Variants in MCF2L2 observed in about 807,000 individuals in gnomAD.
The protein encoded by MCF2L2 is MCF.2 cell line derived transforming sequence-like 2, also known as probable guanine nucleotide exchange factor MCF2L2.
A neutral mutation model predicts 150.2 loss-of-function variants in MCF2L2; 102 were observed. That is an observed-to-expected ratio of 0.68 (90% confidence interval 0.58 to 0.80). The LOEUF is 0.80. Ranked by LOEUF, MCF2L2 falls within the 30% of genes least tolerant of loss-of-function variation. The pLI is 0.00. For synonymous variants in MCF2L2, 465 were observed against 491.3 expected (o/e 0.95, Z 0.71); for missense variants, 1,256 against 1,372.8 (o/e 0.91, Z 1.34).
At chr3:183,220,560 C>T (rs1246633625) in intron 20 of MCF2L2, among the ~76,000 whole-genome samples, 2 of 152,026 alleles carry the variant, frequency 1.3e-5, no homozygotes, top group African/African-American at 2.4e-5. Context: ...AAGCTAAATT[C>T]CTAGAGTGGA....
At chr3:183,259,305 G>C (rs369547572) in intron 15 of MCF2L2, among the ~76,000 whole-genome samples, 184 of 152,280 alleles carry the variant, frequency 1.2e-3, no homozygotes, top group African/African-American at 4.3e-3. Flanking sequence ...GTCCTAGTGG[G>C]GTGGCAGGGG....
At position 183,428,243 on chromosome 3, in the gene MCF2L2, G is replaced by T. The variant is rs1460833149; in HGVS notation, c.-266C>A. ...AGGAGCGGCCGTTCTGCAAAAGGAA[G>T]CAAGTCGCCAATCTCGCCGGAACCG... On this transcript the variant is annotated 5_prime_UTR_variant, in exon 1 of 30. Transcript: ENST00000328913. The surrounding 1 kb of genome is among the most constrained non-coding windows in gnomAD (Gnocchi z 5.1). 2 of 442,600 alleles carry T rather than the reference G, an allele frequency of 4.5e-6. No homozygotes were observed. Among genetic ancestry groups the T allele is most frequent in the Non-Finnish European group, 8.0e-6 (2 of 249,584 alleles). 27.4% of individuals were successfully genotyped at this position (442,600 alleles called of 1,614,324 possible).
chr3:183,368,041 C>T (rs1712644145), intron 3 of MCF2L2, among the ~76,000 whole-genome samples: 1 of 152,134 alleles, frequency 6.6e-6, no homozygotes, highest in African/African-American at 2.4e-5. Context: ...TTTCCTTTAC[C>T]AGCTTGTGAG....
At chr3:183,416,723 A>T (rs1387015184) in intron 1 of MCF2L2, among the ~76,000 whole-genome samples, 1 of 152,222 alleles carries the variant, frequency 6.6e-6, no homozygotes, top group Non-Finnish European at 1.5e-5. Flanking sequence ...CAAAGAAATA[A>T]AAAACAATAC....
intron 3 of MCF2L2, chr3:183,378,476 G>T (rs1432838636): frequency 6.6e-6 from 1 of 152,220 alleles, no homozygotes; most frequent in East Asian, 1.9e-4. Context: ...GGCTGGAGAG[G>T]GTGGAAGAAG....
chr3:183,415,439 GGCCTCCCAAAGT>G (rs1320674111), intron 1 of MCF2L2, among the ~76,000 whole-genome samples: 1 of 152,046 alleles, frequency 6.6e-6, no homozygotes, highest in African/African-American at 2.4e-5. Flanking sequence ...TACCCACCTC[GGCCTCCCAAAGT>G]GCTGGGATTA....
At chr3:183,246,832 C>A (rs1044994457) in intron 15 of MCF2L2, among the ~76,000 whole-genome samples, 9 of 152,134 alleles carry the variant, frequency 5.9e-5, no homozygotes, top group African/African-American at 1.9e-4. Context: ...TCTCCACTTT[C>A]TGGTCAACAT....
chr3:183,260,442 G>C (rs1244651944), intron 15 of MCF2L2, among the ~76,000 whole-genome samples: 3 of 152,170 alleles, frequency 2.0e-5, no homozygotes, highest in Non-Finnish European at 4.4e-5. Flanking sequence ...AGCACAGAGG[G>C]CCAAGCTCAG....
chr3:183,181,852 G>C lies in MCF2L2; in HGVS notation c.3017-1693C>G, dbSNP rs1247219844. Among the ~76,000 whole-genome samples the C allele has an allele frequency of 2.0e-5, 3 of 152,170 alleles. No homozygotes were observed. The highest frequency in any genetic ancestry group is 7.2e-5 in the African/African-American group (3 of 41,442). ...GTCAGCCATAGGCAGCCACAGCCTGGGGTGGGCAGGGCTGGGAGGCGACAC... is the reference window on the plus strand; with the variant it reads ...GTCAGCCATAGGCAGCCACAGCCTGCGGTGGGCAGGGCTGGGAGGCGACAC... On this transcript the variant is annotated intron_variant, in intron 27 of 29. Coordinates refer to ENST00000328913, the MANE Select transcript of MCF2L2 (RefSeq NM_015078.4). This position sits in a 1 kb window ranked among gnomAD's most constrained non-coding sequence, Gnocchi z 4.3.
chr3:183,322,276 A>T (rs532614280), intron 6 of MCF2L2, among the ~76,000 whole-genome samples: 35 of 152,330 alleles, frequency 2.3e-4, no homozygotes, highest in South Asian at 4.1e-4. Flanking sequence ...TTTCACAGAC[A>T]ATACATCACT....
At chr3:183,297,328 A>G in intron 11 of MCF2L2, 161 bp from the exon 12 acceptor site, 1 of 631,692 alleles carries the variant, frequency 1.6e-6, no homozygotes, top group Non-Finnish European at 2.7e-6. Flanking sequence ...ACCACTGTAA[A>G]TTACACTATG....
intron 5 of MCF2L2, among the ~76,000 whole-genome samples, chr3:183,327,172 A>C (rs1325713537): frequency 6.6e-6 from 1 of 151,980 alleles, no homozygotes; most frequent in Non-Finnish European, 1.5e-5. Flanking sequence ...TAAAAATACA[A>C]AAATTAGCCG....
At chr3:183,308,022 A>G (rs1729184111) in intron 10 of MCF2L2, among the ~76,000 whole-genome samples, 1 of 152,220 alleles carries the variant, frequency 6.6e-6, no homozygotes, top group African/African-American at 2.4e-5. Flanking sequence ...GCCTTTCCAG[A>G]CCATTCTAGC....
At chr3:183,356,294 C>T (rs186776573) in intron 3 of MCF2L2, among the ~76,000 whole-genome samples, 34 of 151,860 alleles carry the variant, frequency 2.2e-4, no homozygotes, top group Middle Eastern at 3.4e-3. Context: ...GCAGGCTGAT[C>T]ACGAGGTCAA....
intron 3 of MCF2L2, among the ~76,000 whole-genome samples, chr3:183,353,844 C>G (rs761213278): frequency 6.6e-6 from 1 of 152,168 alleles, no homozygotes; most frequent in Non-Finnish European, 1.5e-5. Flanking sequence ...GAAAATAAGG[C>G]AGCCCTTTCC....
intron 17 of MCF2L2, among the ~76,000 whole-genome samples, chr3:183,228,674 A>C (rs751471570): frequency 2.6e-5 from 4 of 152,196 alleles, no homozygotes; most frequent in Non-Finnish European, 4.4e-5. Flanking sequence ...ACTACTCAGA[A>C]GGCACAGGGG....
In MCF2L2 at chr3:183,179,985, G is replaced by T; in HGVS notation, c.3105+86C>A. ...GTGAGAATCCTGAGGAGGGGGAGAG[G>T]GATGGAGGCTAGGGACAGGAGGCAG... On this transcript the variant is annotated intron_variant, in intron 28 of 29. Coordinates refer to ENST00000328913, the MANE Select transcript of MCF2L2 (RefSeq NM_015078.4). This position sits in a 1 kb window ranked among gnomAD's most constrained non-coding sequence, Gnocchi z 4.2. 1 of 1,087,270 alleles carries T rather than the reference G, an allele frequency of 9.2e-7. No individual in the cohort carries two copies. The highest frequency in any genetic ancestry group is 1.4e-6 in the Non-Finnish European group (1 of 712,970). The allele number at this position is 1,087,270 out of a possible 1,614,324, so 67.4% of individuals were successfully genotyped here.
chr3:183,248,392 C>T (rs1412919206), intron 15 of MCF2L2, among the ~76,000 whole-genome samples: 2 of 152,086 alleles, frequency 1.3e-5, no homozygotes, highest in African/African-American at 2.4e-5. Flanking sequence ...TAATAGTCTA[C>T]TTGTATTAAA....
intron 15 of MCF2L2, chr3:183,254,554 G>C (rs1724854723): frequency 6.6e-6 from 1 of 152,152 alleles, no homozygotes; most frequent in South Asian, 2.1e-4. Flanking sequence ...CCCGGGGCCT[G>C]CGGGTCCCCG....
Sources: gnomAD v4.1 joint callset for allele counts (sites outside exome capture counted in the v4.1 genomes callset) on GRCh38, gnomAD v4.1.1 for gene constraint, Gnocchi (gnomAD v3.1) non-coding constraint, MANE v1.5 for transcripts, NCBI Gene and HGNC (gene_info 2026-07-23, HGNC 2026-07-21) for gene names.